Variants in SLC1A7 observed in about 807,000 individuals in gnomAD.
The protein encoded by SLC1A7 is excitatory amino acid transporter 5.
SLC1A7 carries 40 observed loss-of-function variants against 47.7 expected under a neutral mutation model. The ratio of observed to expected loss-of-function variants is 0.84; its 90% CI spans 0.65 to 1.09. The LOEUF is 1.09. SLC1A7 is among the 50% of genes least tolerant of loss of function. The pLI, the probability that SLC1A7 is intolerant of heterozygous loss-of-function variation, is 0.00. For synonymous variants in SLC1A7, 323 were observed against 325.6 expected (o/e 0.99, Z 0.09); for missense variants, 746 against 769.5 (o/e 0.97, Z 0.36).
intron 1 of SLC1A7, among the ~76,000 whole-genome samples, chr1:53,141,985 G>T (rs539340877): frequency 6.6e-6 from 1 of 152,204 alleles, no homozygotes; most frequent in South Asian, 2.1e-4. Flanking sequence ...GGTGTTCTCT[G>T]GTGCCTGTTT....
At chr1:53,088,470 G>T (rs1403004888) in intron 10 of SLC1A7, among the ~76,000 whole-genome samples, 1 of 152,100 alleles carries the variant, frequency 6.6e-6, no homozygotes, top group East Asian at 1.9e-4. Context: ...TCCATCTGGG[G>T]AATTGGTGGA....
chr1:53,125,183 C>A (rs1337439067), intron 2 of SLC1A7, among the ~76,000 whole-genome samples: 2 of 152,182 alleles, frequency 1.3e-5, no homozygotes, highest in Non-Finnish European at 2.9e-5. Context: ...CAATGCAGGT[C>A]CCGTCCAGAT....
intron 7 of SLC1A7, among the ~76,000 whole-genome samples, chr1:53,092,095 A>T (rs1243102684): frequency 6.6e-6 from 1 of 152,194 alleles, no homozygotes; most frequent in Non-Finnish European, 1.5e-5. Context: ...TGAGTGACAG[A>T]GCCATGGCTC....
chr1:53,139,061 T>A (rs1250128712), intron 1 of SLC1A7, among the ~76,000 whole-genome samples: 1 of 152,194 alleles, frequency 6.6e-6, no homozygotes, highest in Non-Finnish European at 1.5e-5. Context: ...TTACTCTGTT[T>A]CACATTAGGA....
Position 53,089,931 on chromosome 1 carries a change from G to C in SLC1A7, c.1230C>G (p.Ile410Met). The change falls in exon 9 of 11, where the codon ATC becomes ATG. Residue 410 changes from isoleucine to methionine, a missense_variant. By Grantham distance (10) the Ile-to-Met change is conservative. Coordinates refer to ENST00000371494, the MANE Select transcript of SLC1A7 (RefSeq NM_006671.6). Reference sequence around the variant, plus strand: ...CCCCAATGCTGGCTGCAGTGGCTGTGATACTGCAGGGGGTGGGAAGGGGAA... The same window carrying C: ...CCCCAATGCTGGCTGCAGTGGCTGTCATACTGCAGGGGGTGGGAAGGGGAA... The part of the protein sequence containing the change: ...LDFGQIITIS[I>M]TATAASIGAA... 23 of 1,613,348 alleles carry C rather than the reference G, an allele frequency of 1.4e-5. No homozygotes were observed. The highest frequency in any genetic ancestry group is 1.9e-5 in the Non-Finnish European group (22 of 1,179,858).
intron 6 of SLC1A7, 62 bp from the exon 7 acceptor site, chr1:53,092,849 C>T (rs12140504): frequency 0.07 from 77,252 of 1,107,344 alleles, 5,108 homozygotes; most frequent in Admixed American, 0.26. Context: ...CGGCCCCAGC[C>T]CCGCATCGCT....
chr1:53,099,510 C>T (rs1644546548), intron 5 of SLC1A7, among the ~76,000 whole-genome samples: 1 of 150,364 alleles, frequency 6.7e-6, no homozygotes, highest in Admixed American at 6.6e-5. Flanking sequence ...TACACTCACT[C>T]ACACCACCTT....
At chr1:53,103,231 C>G (rs907177381) in intron 5 of SLC1A7, 115 bp downstream of exon 5, 2 of 769,136 alleles carry the variant, frequency 2.6e-6, no homozygotes, top group African/African-American at 3.6e-5. Context: ...CAGTTTTTCA[C>G]AGTAAACCTC....
At chr1:53,121,683 AAC>A (rs1644826818) in intron 2 of SLC1A7, among the ~76,000 whole-genome samples, 1 of 152,226 alleles carries the variant, frequency 6.6e-6, no homozygotes, top group Admixed American at 6.5e-5. Flanking sequence ...AATGAGCCTG[AAC>A]ACAGACATGT....
At position 53,088,894 on chromosome 1, in the gene SLC1A7, G is replaced by A. The variant is rs781446041; in HGVS notation, c.1447C>T (p.Arg483Trp). 35 of 1,613,746 alleles carry A rather than the reference G, an allele frequency of 2.2e-5. No individual in the cohort carries two copies. Among genetic ancestry groups the A allele is most frequent in the East Asian group, 1.6e-4 (7 of 44,878 alleles). Residue 483 changes from arginine (R) to tryptophan (W), a missense_variant, in exon 10 of 11, where the codon CGG becomes TGG. By Grantham distance (101) the Arg-to-Trp change is moderately radical. Transcript: ENST00000371494. ...GCTCTCACCTCGGTGCCTGTGTCCC[G>A]GGCAAAATCCTTCCGACATATATGG... ...MAHICRKDFARDTGTEKLLPC... is the reference protein window; with the variant it reads ...MAHICRKDFAWDTGTEKLLPC...
intron 3 of SLC1A7, among the ~76,000 whole-genome samples, chr1:53,111,968 G>T (rs1644704834): frequency 6.6e-6 from 1 of 152,182 alleles, no homozygotes. Context: ...ACACTCTAAA[G>T]GGTAAAAGAG....
intron 5 of SLC1A7, among the ~76,000 whole-genome samples, chr1:53,094,187 A>T (rs1644457985): frequency 6.6e-6 from 1 of 152,246 alleles, no homozygotes; most frequent in Admixed American, 6.5e-5. Flanking sequence ...TAGCTCAGCG[A>T]GAGCAAGAAC....
At chr1:53,101,300 C>G (rs1644576261) in intron 5 of SLC1A7, among the ~76,000 whole-genome samples, 1 of 136,004 alleles carries the variant, frequency 7.4e-6, no homozygotes, top group Admixed American at 7.2e-5. Flanking sequence ...CCTCGGTACA[C>G]TCGCACACCC....
chr1:53,087,921 G>T lies in SLC1A7; in HGVS notation c.*88C>A. On this transcript the variant is annotated 3_prime_UTR_variant, in exon 11 of 11. Transcript: ENST00000371494. The stretch of plus-strand genomic sequence containing the variant: ...AGAAGAATGTGTGATCCTGGCCCCT[G>T]CCGGCTGCTCAGGAGGGTTGGAGAG... 5.8e-6 allele frequency: 4 copies of T among 691,458 alleles called. No individual in the cohort carries two copies. The highest frequency in any genetic ancestry group is 9.0e-6 in the Non-Finnish European group (4 of 444,108). The allele number at this position is 691,458 out of a possible 1,614,324, so 42.8% of individuals were successfully genotyped here. A position where few individuals can be genotyped will look rare whatever the true frequency, so the allele number is the denominator to read the frequency against.
chr1:53,100,629 G>A (rs574354201), intron 5 of SLC1A7, among the ~76,000 whole-genome samples: 24 of 134,532 alleles, frequency 1.8e-4, no homozygotes, highest in East Asian at 7.0e-4. Flanking sequence ...CACACAACCC[G>A]TCTCGGTACA....
chr1:53,115,660 A>C (rs899234708), intron 2 of SLC1A7: 1 of 152,460 alleles, frequency 6.6e-6, no homozygotes, highest in African/African-American at 2.4e-5. Context: ...GGCCTCAGGC[A>C]AGCAAGTCAC....
At chr1:53,128,557 C>T (rs1644907982) in intron 2 of SLC1A7, among the ~76,000 whole-genome samples, 1 of 142,916 alleles carries the variant, frequency 7.0e-6, no homozygotes, top group African/African-American at 2.6e-5. Flanking sequence ...GCTCTGGGTG[C>T]CAGGTGAGTG....
chr1:53,090,567 C>A (rs747001371), intron 8 of SLC1A7, 45 bp downstream of exon 8: 4 of 1,507,232 alleles, frequency 2.7e-6, no homozygotes, highest in Middle Eastern at 2.1e-4. Flanking sequence ...TCCCCAAGGC[C>A]CCCAGCCCCC....
chr1:53,121,280 G>A (rs983959353), intron 2 of SLC1A7, among the ~76,000 whole-genome samples: 2 of 152,174 alleles, frequency 1.3e-5, no homozygotes, highest in Non-Finnish European at 2.9e-5. Context: ...AGGACGACTT[G>A]TGTGCCCAGG....
Sources: allele counts gnomAD v4.1 joint callset (sites outside exome capture counted in the v4.1 genomes callset), GRCh38; gene constraint gnomAD v4.1.1; transcripts MANE v1.5; gene names NCBI Gene and HGNC (gene_info 2026-07-23, HGNC 2026-07-21).